The following AUTS2 variants were observed in gnomAD, a reference collection of about 807,000 sequenced individuals.
The protein encoded by AUTS2 is activator of transcription and developmental regulator AUTS2.
Under a neutral mutation model 112.4 loss-of-function variants are expected in AUTS2, and 17 were observed. The ratio of observed to expected loss-of-function variants is 0.15; its 90% confidence interval spans 0.10 to 0.23. The LOEUF (loss-of-function observed/expected upper bound fraction) is 0.23. Ranked by LOEUF, AUTS2 falls within the 10% of genes least tolerant of loss-of-function variation. The pLI is 1.00. For synonymous variants in AUTS2, 751 were observed against 702.7 expected, an observed-to-expected ratio of 1.07 and a Z score of -1.09; for missense variants, 1,510 against 1,701.6, an observed-to-expected ratio of 0.89 and a Z score of 1.98.
rs58362194 is a variant in AUTS2 at position 69,917,822 on chromosome 7, T to TTTGTTGTTGTTG, written c.522+18352_522+18363dup. ...AATGGTCTTCATTTCCAAGGACACC[T>TTTGTTGTTGTTG]TTGTTGTTGTTGTTGTTGTTGTTGT... On this transcript the variant is annotated intron_variant, in intron 2 of 18. Transcript: ENST00000342771. Among the ~76,000 whole-genome samples, 173 of 149,230 alleles carry TTTGTTGTTGTTG rather than the reference T, an allele frequency of 1.2e-3. 1 individual carries two copies. Among genetic ancestry groups the TTTGTTGTTGTTG allele is most frequent in the South Asian group, 6.3e-3 (29 of 4,596 alleles).
chr7:69,878,564 A>G lies in AUTS2; in HGVS notation c.310-20722A>G, dbSNP rs545615936. 1.1e-4 allele frequency among the ~76,000 whole-genome samples: 16 copies of G among 152,266 alleles called. 1 individual carries two copies. The South Asian group carries it at 3.1e-3, about 30-fold the overall frequency. ...AGGTACTGCCTAAGCAGCCCCAGTGAAAACGGATGGTTCTTGAGGCTTCCA... is the reference window on the plus strand; with the variant it reads ...AGGTACTGCCTAAGCAGCCCCAGTGGAAACGGATGGTTCTTGAGGCTTCCA... On this transcript the variant is annotated intron_variant, in intron 1 of 18. Transcript: ENST00000342771.
At chr7:70,771,720 C>A in intron 11 of AUTS2, 76 bp downstream of exon 11, 3 of 1,318,546 alleles carry the variant, frequency 2.3e-6, no homozygotes, top group South Asian at 2.5e-5. Flanking sequence ...GGAAGTTCTG[C>A]GTCCTCTTGC....
chr7:70,182,601 G>T (rs1424212555), intron 4 of AUTS2, among the ~76,000 whole-genome samples: 3 of 152,120 alleles, frequency 2.0e-5, no homozygotes, highest in Non-Finnish European at 4.4e-5. Flanking sequence ...TGGTCCTAAT[G>T]GGAGGAGGGA....
At chr7:69,827,484 A>G (rs1791302865) in intron 1 of AUTS2, among the ~76,000 whole-genome samples, 2 of 152,186 alleles carry the variant, frequency 1.3e-5, no homozygotes, top group Non-Finnish European at 1.5e-5. Flanking sequence ...TGGATTCTGA[A>G]GATGGCTGCA....
At chr7:70,196,784 T>G (rs1250445901) in intron 4 of AUTS2, among the ~76,000 whole-genome samples, 1 of 152,238 alleles carries the variant, frequency 6.6e-6, no homozygotes, top group Non-Finnish European at 1.5e-5. Flanking sequence ...TTGTGGACAC[T>G]GGTTGAGGGT....
At chr7:70,252,877 T>C (rs1260982046) in intron 4 of AUTS2, among the ~76,000 whole-genome samples, 1 of 152,184 alleles carries the variant, frequency 6.6e-6, no homozygotes, top group Non-Finnish European at 1.5e-5. Context: ...GGCATCTTTG[T>C]AGAAAATCAG....
chr7:70,216,282 G>C (rs1233588985), intron 4 of AUTS2, among the ~76,000 whole-genome samples: 1 of 152,198 alleles, frequency 6.6e-6, no homozygotes, highest in African/African-American at 2.4e-5. Context: ...TATGGACCCT[G>C]AAAGGTGTAT....
intron 4 of AUTS2, among the ~76,000 whole-genome samples, chr7:70,218,283 C>CT (rs1811280110): frequency 1.3e-5 from 2 of 152,186 alleles, no homozygotes; most frequent in African/African-American, 4.8e-5. Flanking sequence ...TGACATCTTA[C>CT]TTTTTTTTCT....
intron 4 of AUTS2, among the ~76,000 whole-genome samples, chr7:70,315,719 T>TCCC (rs1789963165): frequency 6.6e-6 from 1 of 152,124 alleles, no homozygotes; most frequent in Non-Finnish European, 1.5e-5. Flanking sequence ...TTTGACCTCC[T>TCCC]CCCTCTCTCT....
intron 2 of AUTS2, among the ~76,000 whole-genome samples, chr7:70,031,658 A>G (rs1165196669): frequency 3.3e-5 from 5 of 152,186 alleles, no homozygotes; most frequent in Non-Finnish European, 7.3e-5. Context: ...AGATTTTCCT[A>G]CAAGATTGAT....
chr7:69,749,347 C>CA lies in AUTS2; in HGVS notation c.309+149386dup, dbSNP rs1222237448. ...AGAGTTGTGCAACCACTACCACAGT[C>CA]AGTTTTAGAAAATGTTCATCTCCTC... On this transcript the variant is annotated intron_variant, in intron 1 of 18. Coordinates refer to ENST00000342771, the MANE Select transcript of AUTS2 (RefSeq NM_015570.4). Among the ~76,000 whole-genome samples the CA allele has an allele frequency of 3.9e-5, 6 of 152,182 alleles. No homozygotes were observed. The East Asian group carries it at 1.2e-3, about 29-fold the overall frequency.
At chr7:70,004,809 CTTTATTTATTTATTTA>C (rs35522970) in intron 2 of AUTS2, among the ~76,000 whole-genome samples, 1 of 149,326 alleles carries the variant, frequency 6.7e-6, no homozygotes, top group Non-Finnish European at 1.5e-5. Context: ...GAATTAATGA[CTTTATTTATTTATTTA>C]TTTATTTATT....
At chr7:69,836,518 G>T (rs1427113902) in intron 1 of AUTS2, among the ~76,000 whole-genome samples, 4 of 152,094 alleles carry the variant, frequency 2.6e-5, no homozygotes, top group African/African-American at 9.7e-5. Flanking sequence ...GTAAATCCTT[G>T]TGTGGTGATT....
chr7:69,988,445 A>G (rs1399422140), intron 2 of AUTS2, among the ~76,000 whole-genome samples: 3 of 152,208 alleles, frequency 2.0e-5, no homozygotes, highest in African/African-American at 7.2e-5. Flanking sequence ...GTGCTCTTAC[A>G]TATATCTGCA....
intron 5 of AUTS2, among the ~76,000 whole-genome samples, chr7:70,609,155 A>G (rs1161951303): frequency 6.6e-6 from 1 of 152,156 alleles, no homozygotes; most frequent in Non-Finnish European, 1.5e-5. Flanking sequence ...TGTACAATAG[A>G]TCTTCTAAAC....
chr7:70,037,814 T>C (rs1326758758), intron 2 of AUTS2, among the ~76,000 whole-genome samples: 2 of 152,194 alleles, frequency 1.3e-5, no homozygotes, highest in African/African-American at 4.8e-5. Context: ...CTTGTTGTTA[T>C]TATAGGATTA....
At chr7:70,229,811 C>G (rs1584905916) in intron 4 of AUTS2, among the ~76,000 whole-genome samples, 2 of 152,126 alleles carry the variant, frequency 1.3e-5, no homozygotes, top group South Asian at 4.1e-4. Context: ...TTGAAATGCA[C>G]TGATTCTTTC....
chr7:70,787,487 AC>A, intron 18 of AUTS2, 56 bp downstream of exon 18: 1 of 1,285,626 alleles, frequency 7.8e-7, no homozygotes, highest in Non-Finnish European at 1.1e-6. Context: ...TATGCCAAGT[AC>A]CAGTGGAACT....
intron 3 of AUTS2, among the ~76,000 whole-genome samples, chr7:70,127,546 A>G (rs1584762672): frequency 6.6e-6 from 1 of 152,152 alleles, no homozygotes; most frequent in African/African-American, 2.4e-5. Flanking sequence ...AACTTCTTTA[A>G]TGCTTTATTT....
Sources: allele counts gnomAD v4.1 joint callset (sites outside exome capture counted in the v4.1 genomes callset), GRCh38; gene constraint gnomAD v4.1.1; transcripts MANE v1.5; gene names NCBI Gene and HGNC (gene_info 2026-07-23, HGNC 2026-07-21).